The following AKAP7 variants were observed in gnomAD, a reference collection of about 807,000 sequenced individuals.
AKAP7 encodes A kinase (PRKA) anchor protein 7.
Under a neutral mutation model 39.5 loss-of-function variants are expected in AKAP7, and 39 were observed. That is an observed-to-expected ratio of 0.99 (90% CI 0.76 to 1.29). The LOEUF is 1.29. AKAP7 is among the 50% of genes most tolerant of loss of function. The pLI is 0.00. For synonymous variants in AKAP7, 140 were observed against 139.1 expected (o/e 1.01, Z -0.05); for missense variants, 414 against 407.7 (o/e 1.02, Z -0.13).
chr6:131,282,556 C>A lies in AKAP7; in HGVS notation c.*830C>A, dbSNP rs1484714993. ...AGCTTTTTGAAGGAAGACTTATTAA[C>A]AACAGTAATTCAGCAAATGACGTTG... On this transcript the variant is annotated 3_prime_UTR_variant, in exon 8 of 8. Transcript: ENST00000431975. 6 of 1,535,806 alleles carry A rather than the reference C, an allele frequency of 3.9e-6. No individual in the cohort carries two copies. In the South Asian group the frequency reaches 7.1e-5, roughly 18 times the overall value.
chr6:131,230,001 A>T (rs1291580294), intron 7 of AKAP7, among the ~76,000 whole-genome samples: 1 of 152,190 alleles, frequency 6.6e-6, no homozygotes, highest in African/African-American at 2.4e-5. Flanking sequence ...ATTGATGTGT[A>T]CCTAGGTTGA....
At chr6:131,259,192 T>G (rs1288123197) in intron 7 of AKAP7, among the ~76,000 whole-genome samples, 2 of 152,226 alleles carry the variant, frequency 1.3e-5, no homozygotes, top group Non-Finnish European at 2.9e-5. Flanking sequence ...ATTTTAAATG[T>G]TCAGCTAAAG....
intron 6 of AKAP7, chr6:131,200,698 A>G (rs1807472016): frequency 6.6e-6 from 1 of 152,134 alleles, no homozygotes; most frequent in Non-Finnish European, 1.5e-5. Context: ...TAATATCCAT[A>G]TTAGGTATCA....
chr6:131,186,309 T>C (rs1212176802), intron 5 of AKAP7, among the ~76,000 whole-genome samples: 1 of 152,178 alleles, frequency 6.6e-6, no homozygotes, highest in South Asian at 2.1e-4. Flanking sequence ...CCTTCTGCCA[T>C]GGATTGTAAG....
chr6:131,268,444 G>A (rs1252660745), intron 7 of AKAP7, among the ~76,000 whole-genome samples: 1 of 152,148 alleles, frequency 6.6e-6, no homozygotes, highest in East Asian at 1.9e-4. Context: ...AAACACTTTG[G>A]AAAGTATGAA....
At chr6:131,228,180 G>A (rs2128303877) in intron 7 of AKAP7, among the ~76,000 whole-genome samples, 1 of 152,286 alleles carries the variant, frequency 6.6e-6, no homozygotes, top group South Asian at 2.1e-4. Context: ...ATTGTTTGAT[G>A]CTGCAGGAAG....
intron 7 of AKAP7, among the ~76,000 whole-genome samples, chr6:131,244,030 A>T (rs1299754125): frequency 6.6e-6 from 1 of 151,258 alleles, no homozygotes; most frequent in African/African-American, 2.4e-5. Context: ...AGGTTTTAAC[A>T]TCCAAATATT....
chr6:131,220,230 T>C (rs2128298081), intron 7 of AKAP7, among the ~76,000 whole-genome samples: 1 of 152,174 alleles, frequency 6.6e-6, no homozygotes, highest in Non-Finnish European at 1.5e-5. Context: ...AGAGAAAATA[T>C]AGGTGGCCTG....
At chr6:131,133,519 C>T (rs148275791), upstream of AKAP7, among the ~76,000 whole-genome samples, 306 of 152,298 alleles carry the variant, frequency 2.0e-3, 2 homozygotes, top group South Asian at 3.3e-3. Flanking sequence ...AAATGTTCCT[C>T]CACATGGTAG....
intron 5 of AKAP7, among the ~76,000 whole-genome samples, chr6:131,188,721 T>C (rs1806115103): frequency 6.6e-6 from 1 of 151,174 alleles, no homozygotes; most frequent in Admixed American, 6.6e-5. Flanking sequence ...GTACTTCTTT[T>C]TTTTTTTTTT....
At chr6:131,203,424 A>G (rs780295556) in intron 6 of AKAP7, among the ~76,000 whole-genome samples, 7 of 152,208 alleles carry the variant, frequency 4.6e-5, no homozygotes, top group Non-Finnish European at 1.0e-4. Context: ...TAGTGAAATA[A>G]AAGAAGGGAG....
At chr6:131,197,835 A>G (rs1157238636) in intron 5 of AKAP7, among the ~76,000 whole-genome samples, 1 of 152,180 alleles carries the variant, frequency 6.6e-6, no homozygotes, top group Non-Finnish European at 1.5e-5. Context: ...ACAAGTTAAG[A>G]GAGAAAGTAG....
intron 5 of AKAP7, among the ~76,000 whole-genome samples, chr6:131,187,353 T>G (rs1805967351): frequency 6.6e-6 from 1 of 152,120 alleles, no homozygotes; most frequent in East Asian, 1.9e-4. Flanking sequence ...TTGGTTAAGT[T>G]TATTCCTAAG....
At position 131,274,805 on chromosome 6, in the gene AKAP7, G is replaced by A. The variant is rs185070505; in HGVS notation, c.851-6725G>A. ...AATACTTCCAGTACTCCAATGCATC[G>A]TGCTTTCTCATGCTCCTGTGCACAT... On this transcript the variant is annotated intron_variant, in intron 7 of 7. Transcript: ENST00000431975. Among the ~76,000 whole-genome samples, 9 of 152,060 alleles carry A rather than the reference G, an allele frequency of 5.9e-5. No individual in the cohort carries two copies. In the East Asian group the frequency reaches 9.7e-4, roughly 16 times the overall value.
chr6:131,218,475 A>G (rs1809400607), intron 6 of AKAP7, among the ~76,000 whole-genome samples: 1 of 152,242 alleles, frequency 6.6e-6, no homozygotes, highest in Non-Finnish European at 1.5e-5. Context: ...ACATAAAATT[A>G]TAGCAGTGGC....
At chr6:131,126,176 T>A in the AKAP7 span, among the ~76,000 whole-genome samples, 1 of 152,242 alleles carries the variant, frequency 6.6e-6, no homozygotes, top group Non-Finnish European at 1.5e-5. Context: ...TAAACACATT[T>A]ATGGCTTATT....
intron 1 of AKAP7, among the ~76,000 whole-genome samples, chr6:131,142,662 C>G (rs1801146133): frequency 1.3e-5 from 2 of 152,220 alleles, no homozygotes; most frequent in African/African-American, 2.4e-5. Flanking sequence ...GAGCCCCCAC[C>G]CAGAGTCTCC....
intron 5 of AKAP7, among the ~76,000 whole-genome samples, chr6:131,181,549 C>G (rs1805245469): frequency 6.6e-6 from 1 of 152,184 alleles, no homozygotes; most frequent in Non-Finnish European, 1.5e-5. Flanking sequence ...TTTATGCTCC[C>G]TGCTTAAAAG....
intron 2 of AKAP7, among the ~76,000 whole-genome samples, chr6:131,153,071 A>G (rs1251277534): frequency 6.6e-6 from 1 of 150,552 alleles, no homozygotes; most frequent in African/African-American, 2.5e-5. Context: ...TGGAGCTTGC[A>G]GTGAGCCGAG....
Sources: allele counts gnomAD v4.1 joint callset (sites outside exome capture counted in the v4.1 genomes callset), GRCh38; gene constraint gnomAD v4.1.1; transcripts MANE v1.5; gene names NCBI Gene and HGNC (gene_info 2026-07-23, HGNC 2026-07-21).